Variants in AKAP13 observed in about 807,000 individuals in gnomAD.
AKAP13 encodes A-kinase anchoring protein 13.
Under a neutral mutation model 264.5 loss-of-function variants are expected in AKAP13, and 80 were observed. The observed-to-expected ratio is 0.30, with a 90% CI of 0.25 to 0.36. The LOEUF is 0.36. Among genes scored for constraint, AKAP13 ranks in the 10% least tolerant of loss-of-function variants. AKAP13 has a pLI of 1.00. For synonymous variants in AKAP13, 1,380 were observed against 1,250.2 expected, an observed-to-expected ratio of 1.10 and a Z score of -2.19; for missense variants, 3,712 against 3,435.2, an observed-to-expected ratio of 1.08 and a Z score of -2.01.
intron 2 of AKAP13, among the ~76,000 whole-genome samples, chr15:85,511,292 G>A (rs4291869): frequency 0.49 from 74,774 of 151,894 alleles, 19,189 homozygotes; most frequent in Middle Eastern, 0.61. Flanking sequence ...TGGAACACCA[G>A]CGTCTAGTCA....
At chr15:85,739,100 G>T (rs1265274551) in intron 33 of AKAP13, among the ~76,000 whole-genome samples, 1 of 152,144 alleles carries the variant, frequency 6.6e-6, no homozygotes, top group Non-Finnish European at 1.5e-5. Flanking sequence ...CTTTGTGATA[G>T]TTAACCGTTT....
intron 12 of AKAP13, among the ~76,000 whole-genome samples, chr15:85,659,249 G>A (rs534484761): frequency 2.6e-5 from 4 of 152,176 alleles, no homozygotes; most frequent in East Asian, 1.9e-4. Flanking sequence ...CAAATTTTCC[G>A]TTGGATTTTC....
intron 34 of AKAP13, 43 bp from the exon 35 acceptor site, chr15:85,741,003 G>A (rs371816914): frequency 3.7e-5 from 58 of 1,562,474 alleles, no homozygotes; most frequent in East Asian, 3.2e-4. Context: ...GCTCGCTGTC[G>A]TCCTGGCCAG....
intron 5 of AKAP13, among the ~76,000 whole-genome samples, chr15:85,550,711 C>G (rs776844412): frequency 6.6e-6 from 1 of 152,148 alleles, no homozygotes; most frequent in African/African-American, 2.4e-5. Flanking sequence ...ACAGACATAC[C>G]TTAAAAATAA....
intron 1 of AKAP13, among the ~76,000 whole-genome samples, chr15:85,428,608 G>C (rs2072898362): frequency 6.6e-6 from 1 of 152,192 alleles, no homozygotes; most frequent in Non-Finnish European, 1.5e-5. Context: ...AGTGGCTGGG[G>C]GTTTAAATGA....
At chr15:85,620,937 G>A (rs2081158288) in intron 8 of AKAP13, among the ~76,000 whole-genome samples, 1 of 152,178 alleles carries the variant, frequency 6.6e-6, no homozygotes, top group African/African-American at 2.4e-5. Context: ...ACAGCTCAAA[G>A]AGCACTTTTT....
intron 5 of AKAP13, among the ~76,000 whole-genome samples, chr15:85,572,004 A>G (rs1258884919): frequency 6.6e-6 from 1 of 152,170 alleles, no homozygotes; most frequent in Non-Finnish European, 1.5e-5. Flanking sequence ...AGAGTGGGAG[A>G]GGTAGAAGGT....
At chr15:85,486,946 G>A (rs886688279) in intron 2 of AKAP13, among the ~76,000 whole-genome samples, 10 of 151,998 alleles carry the variant, frequency 6.6e-5, no homozygotes, top group Non-Finnish European at 1.2e-4. Flanking sequence ...TACCATGTTT[G>A]CCAGGGTGGT....
chr15:85,685,126 G>C, intron 16 of AKAP13: 1 of 348,660 alleles, frequency 2.9e-6, no homozygotes, highest in East Asian at 5.1e-5. Context: ...AACCCTGTCA[G>C]GTAGGTGTTA....
In AKAP13 at chr15:85,723,171, T is replaced by G. The variant is rs767525158; in HGVS notation, c.6596T>G (p.Val2199Gly). 6.2e-7 allele frequency: 1 copy of G among 1,614,118 alleles called. No individual in the cohort carries two copies. The highest frequency in any genetic ancestry group is 1.7e-5 in the Admixed American group (1 of 60,012). ...DSKVASYEKK[V>G]RLNEIYTKTD... ...AAAGTGGCAAGTTATGAAAAGAAAG[T>G]GCGTCTCAATGAGATTTATACAAAG... Residue 2199 changes from valine to glycine, a missense_variant, in exon 26 of 37, where the codon GTG becomes GGG. Transcript: ENST00000394518.
At chr15:85,574,436 C>T (rs1053733752) in intron 5 of AKAP13, among the ~76,000 whole-genome samples, 9 of 152,064 alleles carry the variant, frequency 5.9e-5, no homozygotes, top group African/African-American at 1.2e-4. Flanking sequence ...AATCAGTTGG[C>T]GTATAATGGT....
chr15:85,623,008 T>A (rs1425021574), intron 8 of AKAP13, among the ~76,000 whole-genome samples: 1 of 152,210 alleles, frequency 6.6e-6, no homozygotes, highest in Non-Finnish European at 1.5e-5. Flanking sequence ...TGTCCCATGA[T>A]TTTTAGCAAA....
intron 5 of AKAP13, among the ~76,000 whole-genome samples, chr15:85,559,612 T>G (rs1379996183): frequency 4.6e-5 from 7 of 152,114 alleles, no homozygotes; most frequent in Non-Finnish European, 2.9e-5. Flanking sequence ...TGACAGATCA[T>G]CAAACATTAG....
chr15:85,555,886 A>G (rs915697888), intron 5 of AKAP13, among the ~76,000 whole-genome samples: 3 of 152,198 alleles, frequency 2.0e-5, no homozygotes, highest in African/African-American at 7.2e-5. Flanking sequence ...ATGGCTTCTA[A>G]TTTGTGTTAT....
At chr15:85,625,130 T>A (rs2081353383) in intron 8 of AKAP13, among the ~76,000 whole-genome samples, 1 of 152,246 alleles carries the variant, frequency 6.6e-6, no homozygotes, top group African/African-American at 2.4e-5. Flanking sequence ...CTAAAAGATG[T>A]AGATGTTTAA....
At chr15:85,519,908 C>A (rs1200716296) in intron 2 of AKAP13, among the ~76,000 whole-genome samples, 1 of 152,110 alleles carries the variant, frequency 6.6e-6, no homozygotes, top group Non-Finnish European at 1.5e-5. Flanking sequence ...TTAATTGTTG[C>A]TAAAATCGAA....
chr15:85,470,521 G>A (rs2074922540), intron 1 of AKAP13, among the ~76,000 whole-genome samples: 3 of 152,140 alleles, frequency 2.0e-5, no homozygotes. Flanking sequence ...TTTTATAGAG[G>A]AATAATCTGA....
intron 1 of AKAP13, among the ~76,000 whole-genome samples, chr15:85,408,531 A>G (rs950357726): frequency 3.3e-5 from 5 of 151,580 alleles, no homozygotes; most frequent in Admixed American, 6.6e-5. Context: ...TCCTGTTTCT[A>G]TGGATTTGAC....
intron 29 of AKAP13, among the ~76,000 whole-genome samples, chr15:85,728,822 G>T (rs941362533): frequency 1.3e-5 from 2 of 151,926 alleles, no homozygotes; most frequent in African/African-American, 4.8e-5. Context: ...GTATTAAAAG[G>T]CAACAAGGGA....
Sources: gnomAD v4.1 joint callset for allele counts (sites outside exome capture counted in the v4.1 genomes callset) on GRCh38, gnomAD v4.1.1 for gene constraint, MANE v1.5 for transcripts, NCBI Gene and HGNC (gene_info 2026-07-23, HGNC 2026-07-21) for gene names.